MDGA2: variants seen among roughly 807,000 people sequenced by gnomAD.
MDGA2 encodes the protein MAM domain containing glycosylphosphatidylinositol anchor 2.
A neutral mutation model predicts 117.8 loss-of-function variants in MDGA2; 40 were observed. The observed-to-expected ratio is 0.34, with a 90% CI of 0.26 to 0.44. The LOEUF (loss-of-function observed/expected upper bound fraction) is 0.44. Ranked by LOEUF, MDGA2 falls within the 20% of genes least tolerant of loss-of-function variation. The pLI is 1.00. For missense variants in MDGA2, 1,123 were observed against 1,250.6 expected (o/e 0.90, Z 1.54); for synonymous variants, 452 against 439.0 (o/e 1.03, Z -0.37).
At chr14:47,468,416 G>A (rs1341354061) in intron 1 of MDGA2, among the ~76,000 whole-genome samples, 1 of 152,090 alleles carries the variant, frequency 6.6e-6, no homozygotes, top group Non-Finnish European at 1.5e-5. Flanking sequence ...CCAATTATTT[G>A]TCCCTGTGTG....
intron 10 of MDGA2, among the ~76,000 whole-genome samples, chr14:46,893,344 CA>C (rs1162648752): frequency 2.0e-5 from 3 of 151,592 alleles, no homozygotes; most frequent in Non-Finnish European, 1.5e-5. Context: ...AAATGGCTAC[CA>C]GGGGTGTAAG....
chr14:47,131,066 C>T (rs1331793862), intron 5 of MDGA2, among the ~76,000 whole-genome samples: 2 of 151,744 alleles, frequency 1.3e-5, no homozygotes, highest in Admixed American at 6.6e-5. Flanking sequence ...TGGAGTTTCT[C>T]AAAACCAGTT....
chr14:47,632,552 T>C (rs1250885911), intron 1 of MDGA2, among the ~76,000 whole-genome samples: 1 of 152,240 alleles, frequency 6.6e-6, no homozygotes, highest in Non-Finnish European at 1.5e-5. Flanking sequence ...TCAGTGGTCC[T>C]ACAGTTCCCT....
At chr14:47,457,829 GTTTA>G (rs1198155377) in intron 1 of MDGA2, among the ~76,000 whole-genome samples, 3 of 124,628 alleles carry the variant, frequency 2.4e-5, no homozygotes, top group Admixed American at 1.6e-4. Context: ...TTTTTTGTTT[GTTTA>G]TTTGTTTGTT....
At chr14:47,503,684 G>A (rs778912778) in intron 1 of MDGA2, among the ~76,000 whole-genome samples, 37 of 152,220 alleles carry the variant, frequency 2.4e-4, no homozygotes, top group Non-Finnish European at 4.4e-4. Context: ...GATTACAGGC[G>A]TGAGCCACTG....
chr14:46,934,113 A>G lies in MDGA2; in HGVS notation c.2090-13953T>C, dbSNP rs146823178. 3.0e-3 allele frequency among the ~76,000 whole-genome samples: 459 copies of G among 151,960 alleles called. 2 individuals are homozygous for G. The highest frequency in any genetic ancestry group is 4.6e-3 in the Non-Finnish European group (310 of 67,876). ...AAGTAGGAAATTGCCTAGGACTCAA[A>G]AAATGTTGGGAAATAAAAACTATAT... On this transcript the variant is annotated intron_variant, in intron 9 of 16. Coordinates refer to ENST00000399232, the MANE Select transcript of MDGA2 (RefSeq NM_001113498.3).
At chr14:47,536,920 A>G (rs1895223676) in intron 1 of MDGA2, among the ~76,000 whole-genome samples, 2 of 152,150 alleles carry the variant, frequency 1.3e-5, no homozygotes, top group South Asian at 4.1e-4. Context: ...TAAATGTATG[A>G]CCTTGCCTTA....
intron 5 of MDGA2, among the ~76,000 whole-genome samples, chr14:47,106,620 C>G (rs528361228): frequency 1.1e-4 from 17 of 152,192 alleles, no homozygotes; most frequent in African/African-American, 2.4e-4. Flanking sequence ...CTCTGACTGA[C>G]TCCTTCCCAG....
intron 5 of MDGA2, among the ~76,000 whole-genome samples, chr14:47,125,153 G>A (rs951599252): frequency 2.6e-5 from 4 of 152,104 alleles, no homozygotes; most frequent in African/African-American, 9.7e-5. Flanking sequence ...ATATGGCTAA[G>A]GAAAATGGCT....
At chr14:47,540,417 T>G (rs906278983) in intron 1 of MDGA2, among the ~76,000 whole-genome samples, 1 of 151,870 alleles carries the variant, frequency 6.6e-6, no homozygotes, top group African/African-American at 2.4e-5. Context: ...TCCCCTTTCC[T>G]GCTTTTTCTC....
At chr14:46,968,445 A>G (rs1886123717) in intron 8 of MDGA2, among the ~76,000 whole-genome samples, 1 of 152,108 alleles carries the variant, frequency 6.6e-6, no homozygotes, top group Non-Finnish European at 1.5e-5. Context: ...AAAGAAATAA[A>G]AAGCATCTAC....
At chr14:47,567,706 T>G (rs759430199) in intron 1 of MDGA2, among the ~76,000 whole-genome samples, 7 of 152,216 alleles carry the variant, frequency 4.6e-5, no homozygotes, top group Non-Finnish European at 8.8e-5. Context: ...CTAACACCCC[T>G]GTTTCTTATT....
intron 1 of MDGA2, among the ~76,000 whole-genome samples, chr14:47,617,201 G>A (rs1467954268): frequency 6.6e-6 from 1 of 151,480 alleles, no homozygotes; most frequent in African/African-American, 2.4e-5. Context: ...CACTTAAATT[G>A]TATTAGTCTT....
chr14:47,408,056 C>CTTTTTTTTTT (rs56285818), intron 1 of MDGA2, among the ~76,000 whole-genome samples: 1 of 115,184 alleles, frequency 8.7e-6, no homozygotes, highest in Non-Finnish European at 1.7e-5. Context: ...GGAGATTATT[C>CTTTTTTTTTT]TTTTTTTTTT....
intron 10 of MDGA2, among the ~76,000 whole-genome samples, chr14:46,904,023 G>A (rs1883392723): frequency 6.6e-6 from 1 of 151,938 alleles, no homozygotes; most frequent in Non-Finnish European, 1.5e-5. Flanking sequence ...ATAAACAAGG[G>A]TGTTTTCAGT....
Position 46,841,211 on chromosome 14 carries a change from G to A in MDGA2, c.*720C>T, listed in dbSNP as rs1880597025. On this transcript the variant is annotated 3_prime_UTR_variant, in exon 17 of 17. Transcript: ENST00000399232. ...GTTCAAGTGGCCGCAAGCAAACTCC[G>A]ATAAGCCTGTGTAACATGTAAGCCC... 1 of 152,460 alleles carries A rather than the reference G, an allele frequency of 6.6e-6. No homozygotes were observed. The highest frequency in any genetic ancestry group is 2.1e-4 in the South Asian group (1 of 4,824). The allele number at this position is 152,460 out of a possible 1,614,324, so 9.4% of individuals were successfully genotyped here.
chr14:46,893,824 T>C (rs919477735), intron 10 of MDGA2, among the ~76,000 whole-genome samples: 4 of 151,982 alleles, frequency 2.6e-5, no homozygotes, highest in Admixed American at 6.6e-5. Context: ...ACTGTCAGTC[T>C]CCCTTAAATT....
chr14:47,566,395 GCAAGATCA>G, intron 1 of MDGA2, among the ~76,000 whole-genome samples: 1 of 152,286 alleles, frequency 6.6e-6, no homozygotes, highest in East Asian at 1.9e-4. Flanking sequence ...TGTCTCACAG[GCAAGATCA>G]CCCTGGTCTC....
intron 1 of MDGA2, among the ~76,000 whole-genome samples, chr14:47,376,427 T>C (rs555160934): frequency 1.5e-3 from 232 of 152,268 alleles, no homozygotes; most frequent in Non-Finnish European, 2.6e-3. Flanking sequence ...CTATTATTGG[T>C]CAATCTCAGA....
Sources: allele counts gnomAD v4.1 joint callset (sites outside exome capture counted in the v4.1 genomes callset), GRCh38; gene constraint gnomAD v4.1.1; transcripts MANE v1.5; gene names NCBI Gene and HGNC (gene_info 2026-07-23, HGNC 2026-07-21).